Variants in GRID1 observed in about 807,000 individuals in gnomAD.
The protein encoded by GRID1 is glutamate receptor ionotropic, delta-1.
Under a neutral mutation model 98.0 loss-of-function variants are expected in GRID1, and 28 were observed. That is an observed-to-expected ratio of 0.29 (90% CI 0.21 to 0.39). The LOEUF (loss-of-function observed/expected upper bound fraction) is 0.39, where lower values mean the gene tolerates loss of function less well. Among genes scored for constraint, GRID1 ranks in the 10% least tolerant of loss-of-function variants. The pLI, the probability that GRID1 is intolerant of heterozygous loss-of-function variation, is 1.00. For synonymous variants in GRID1, 553 were observed against 538.5 expected (o/e 1.03, Z -0.37); for missense variants, 1,111 against 1,340.5 (o/e 0.83, Z 2.67).
In GRID1 at chr10:85,727,812, A is replaced by C. The variant is rs947375888; in HGVS notation, c.1533+43T>G. On this transcript the variant is annotated intron_variant, in intron 10 of 15. Transcript: ENST00000327946. ...CAAGTTTAGATATTACCCCAGAGGAAGACTAGGGTGCCCCTCCCCCTGGAT... is the reference window on the plus strand; with the variant it reads ...CAAGTTTAGATATTACCCCAGAGGACGACTAGGGTGCCCCTCCCCCTGGAT... 3.5e-6 allele frequency: 5 copies of C among 1,445,484 alleles called. No homozygotes were observed. In the African/African-American group the frequency reaches 7.0e-5, roughly 20 times the overall value. The allele number at this position is 1,445,484 out of a possible 1,614,324, so 89.5% of individuals were successfully genotyped here. A position where few individuals can be genotyped will look rare whatever the true frequency, so the allele number is the denominator to read the frequency against.
intron 4 of GRID1, among the ~76,000 whole-genome samples, chr10:85,989,397 C>T (rs772649325): frequency 6.6e-5 from 10 of 151,186 alleles, no homozygotes; most frequent in Admixed American, 1.3e-4. Context: ...CCACTGGCCA[C>T]GGACTGGTAC....
At chr10:86,340,737 C>T (rs1365117735) in intron 2 of GRID1, among the ~76,000 whole-genome samples, 1 of 152,180 alleles carries the variant, frequency 6.6e-6, no homozygotes, top group Non-Finnish European at 1.5e-5. Flanking sequence ...GGCAAGATGG[C>T]CCTGCCTGCT....
intron 2 of GRID1, among the ~76,000 whole-genome samples, chr10:86,297,543 T>C (rs1564732132): frequency 6.6e-6 from 1 of 152,160 alleles, no homozygotes; most frequent in Non-Finnish European, 1.5e-5. Context: ...AATTTATCTA[T>C]TCCTTGGAGG....
At position 85,891,234 on chromosome 10, in the gene GRID1, C is replaced by T. The variant is rs182815680; in HGVS notation, c.781-22054G>A. 7.8e-4 allele frequency among the ~76,000 whole-genome samples: 119 copies of T among 152,092 alleles called. 1 individual carries two copies. The Middle Eastern group carries it at 0.027, about 35-fold the overall frequency. ...TGACAGAGAATTATAATTTTAATTG[C>T]ATATATAATTTAAAATCCTAAAAAA... On this transcript the variant is annotated intron_variant, in intron 5 of 15. Transcript: ENST00000327946.
intron 13 of GRID1, among the ~76,000 whole-genome samples, chr10:85,637,687 T>TA (rs1276983542): frequency 1.3e-5 from 2 of 152,252 alleles, no homozygotes; most frequent in African/African-American, 2.4e-5. Context: ...TACCTTTTAT[T>TA]TCTTGCTTGC....
At chr10:86,328,847 T>A (rs1848095073) in intron 2 of GRID1, among the ~76,000 whole-genome samples, 1 of 151,906 alleles carries the variant, frequency 6.6e-6, no homozygotes, top group South Asian at 2.1e-4. Context: ...GGACTCTGCA[T>A]GAGGCCCTTT....
intron 2 of GRID1, among the ~76,000 whole-genome samples, chr10:86,356,923 G>A (rs1300780425): frequency 6.6e-6 from 1 of 152,234 alleles, no homozygotes. Context: ...CAGCTGCTAT[G>A]AGGACAAAGC....
chr10:85,894,419 A>G (rs1399795425), intron 5 of GRID1, among the ~76,000 whole-genome samples: 2 of 152,202 alleles, frequency 1.3e-5, no homozygotes, highest in African/African-American at 4.8e-5. Flanking sequence ...TTCCATTGAT[A>G]TAAAATTCTA....
rs2132094726 is a variant in GRID1, at chr10:86,320,551, T to G, written c.235+43390A>C. Among the ~76,000 whole-genome samples, 2 of 152,266 alleles carry G rather than the reference T, an allele frequency of 1.3e-5. 1 individual carries two copies. Among genetic ancestry groups the G allele is most frequent in the South Asian group, 4.1e-4 (2 of 4,830 alleles). On this transcript the variant is annotated intron_variant, in intron 2 of 15. Coordinates refer to ENST00000327946, the MANE Select transcript of GRID1 (RefSeq NM_017551.3). Reference sequence around the variant, plus strand: ...GGAGGAAGAAGGAATGGGGAGTCACTGTTTAAGGGCTATAGTATTTCTGTT... The same window carrying G: ...GGAGGAAGAAGGAATGGGGAGTCACGGTTTAAGGGCTATAGTATTTCTGTT...
intron 2 of GRID1, among the ~76,000 whole-genome samples, chr10:86,304,515 T>A (rs749859956): frequency 6.6e-6 from 1 of 152,224 alleles, no homozygotes; most frequent in Non-Finnish European, 1.5e-5. Flanking sequence ...CACAGAACTA[T>A]GCCTCTGTCC....
intron 8 of GRID1, among the ~76,000 whole-genome samples, chr10:85,831,996 A>T (rs1451217650): frequency 6.6e-6 from 1 of 152,068 alleles, no homozygotes; most frequent in Non-Finnish European, 1.5e-5. Flanking sequence ...TAAGGCCAAA[A>T]TTTGTTTTTT....
chr10:85,932,072 C>G (rs1841861229), intron 4 of GRID1, among the ~76,000 whole-genome samples: 1 of 152,208 alleles, frequency 6.6e-6, no homozygotes, highest in African/African-American at 2.4e-5. Flanking sequence ...CCTGCCTAAC[C>G]TGGGCTTTCT....
At chr10:85,827,325 A>C (rs1479900105) in intron 8 of GRID1, among the ~76,000 whole-genome samples, 1 of 152,222 alleles carries the variant, frequency 6.6e-6, no homozygotes, top group Non-Finnish European at 1.5e-5. Context: ...TGAGAATTTC[A>C]TAATACCATC....
intron 5 of GRID1, among the ~76,000 whole-genome samples, chr10:85,900,288 G>A (rs1271665235): frequency 6.6e-6 from 1 of 152,182 alleles, no homozygotes; most frequent in African/African-American, 2.4e-5. Flanking sequence ...GGTGCATAAT[G>A]ATTATCCAGA....
chr10:86,305,321 G>A (rs900060319), intron 2 of GRID1, among the ~76,000 whole-genome samples: 1 of 152,190 alleles, frequency 6.6e-6, no homozygotes, highest in East Asian at 1.9e-4. Context: ...CACACGACAG[G>A]TGCTGAGAGG....
chr10:85,668,850 G>A (rs1841053177), intron 12 of GRID1, among the ~76,000 whole-genome samples: 1 of 152,232 alleles, frequency 6.6e-6, no homozygotes, highest in African/African-American at 2.4e-5. Flanking sequence ...CACATTGGTT[G>A]CTGTGTTCTC....
At chr10:86,085,116 C>G (rs552308756) in intron 4 of GRID1, among the ~76,000 whole-genome samples, 3 of 152,166 alleles carry the variant, frequency 2.0e-5, no homozygotes, top group African/African-American at 7.2e-5. Context: ...AAGAAACCCC[C>G]GTGATAAGCC....
intron 3 of GRID1, among the ~76,000 whole-genome samples, chr10:86,196,481 A>C (rs1187096578): frequency 6.6e-6 from 1 of 152,050 alleles, no homozygotes; most frequent in Non-Finnish European, 1.5e-5. Context: ...CCCCACTACT[A>C]AAGTGGGAAA....
chr10:86,155,706 T>A (rs1845234630), intron 3 of GRID1, among the ~76,000 whole-genome samples: 1 of 152,182 alleles, frequency 6.6e-6, no homozygotes, highest in Non-Finnish European at 1.5e-5. Flanking sequence ...ACTGAATATA[T>A]ACATCAGCCC....
Sources: allele counts gnomAD v4.1 joint callset (sites outside exome capture counted in the v4.1 genomes callset), GRCh38; gene constraint gnomAD v4.1.1; transcripts MANE v1.5; gene names NCBI Gene and HGNC (gene_info 2026-07-23, HGNC 2026-07-21).